The following ZNF28 variants were observed in gnomAD, a reference collection of about 807,000 sequenced individuals.
The protein encoded by ZNF28 is zinc finger protein 28, also known as zinc finger protein KOX24.
ZNF28 carries 5 observed loss-of-function variants against 7.2 expected under a neutral mutation model. The observed-to-expected ratio is 0.70, with a 90% CI of 0.36 to 1.46. ZNF28 has a LOEUF of 1.46. Ranked by LOEUF, ZNF28 falls within the 40% of genes most tolerant of loss-of-function variation. The pLI is 0.03. For missense variants in ZNF28, 879 were observed against 866.6 expected (o/e 1.01, Z -0.18); for synonymous variants, 288 against 292.4 (o/e 0.99, Z 0.15).
At chr19:52,805,866 G>C (rs1319495112) in intron 3 of ZNF28, 1 of 151,952 alleles carries the variant, frequency 6.6e-6, no homozygotes, top group East Asian at 1.9e-4. Flanking sequence ...TGTAATCCCA[G>C]CTTCTCAGGG....
At chr19:52,808,847 C>T (rs1406810116) in intron 2 of ZNF28, among the ~76,000 whole-genome samples, 1 of 151,858 alleles carries the variant, frequency 6.6e-6, no homozygotes, top group East Asian at 1.9e-4. Flanking sequence ...CAAAATTACT[C>T]AAAGTACAAA....
At chr19:52,813,271 A>AAAAAAAAAAAAACAAAAT in intron 2 of ZNF28, among the ~76,000 whole-genome samples, 1 of 147,508 alleles carries the variant, frequency 6.8e-6, no homozygotes, top group East Asian at 2.0e-4. Context: ...AAAAAAAAAA[A>AAAAAAAAAAAAACAAAAT]GACATACTGT....
chr19:52,812,499 G>C (rs867073969), intron 2 of ZNF28, among the ~76,000 whole-genome samples: 5 of 123,150 alleles, frequency 4.1e-5, no homozygotes, highest in African/African-American at 7.1e-5. Flanking sequence ...CATGTGCTGT[G>C]TCCACTCAGG....
At chr19:52,810,252 G>A in intron 2 of ZNF28, 5 of 1,294,774 alleles carry the variant, frequency 3.9e-6, no homozygotes, top group South Asian at 1.2e-5. Flanking sequence ...TCTACCTCCA[G>A]GCAATGCTGG....
Position 52,799,906 on chromosome 19 carries a change from T to A in ZNF28, c.1939A>T (p.Met647Leu). ...CTATGATGGTATACGAGGGATGACA[T>A]CTGACTGAAGGTCTTGCCACACTCA... ...CNECGKTFSQ[M>L]SSLVYHHRLH... Residue 647 changes from methionine to leucine, a missense_variant, in exon 4 of 4, where the codon ATG becomes TTG. By Grantham distance (15) the Met-to-Leu change is conservative. This residue lies in a region of ZNF28 where 864 missense variants were observed against 830.2 expected (regional missense o/e 1.04). Transcript: ENST00000457749. 6.2e-7 allele frequency: 1 copy of A among 1,613,970 alleles called. No individual in the cohort carries two copies. The highest frequency in any genetic ancestry group is 1.1e-5 in the South Asian group (1 of 91,070).
intron 2 of ZNF28, chr19:52,814,569 G>C (rs1435254422): frequency 6.9e-6 from 1 of 145,022 alleles, no homozygotes; most frequent in Non-Finnish European, 1.5e-5. Context: ...ATTCCAGCCT[G>C]GACAACCGAG....
chr19:52,817,663 C>A (rs1165505863), intron 2 of ZNF28, among the ~76,000 whole-genome samples: 1 of 152,066 alleles, frequency 6.6e-6, no homozygotes, highest in Non-Finnish European at 1.5e-5. Flanking sequence ...AACCCTGCTG[C>A]CCAACAGCAC....
rs530850109 is a variant in ZNF28 at position 52,797,699 on chromosome 19, T to C, written c.*1989A>G. 3.2e-5 allele frequency: 5 copies of C among 153,852 alleles called. No homozygotes were observed. The East Asian group carries it at 9.7e-4, about 30-fold the overall frequency. 9.5% of individuals were successfully genotyped at this position (153,852 alleles called of 1,614,324 possible). A position where few individuals can be genotyped will look rare whatever the true frequency, so the allele number is the denominator to read the frequency against. On this transcript the variant is annotated 3_prime_UTR_variant, in exon 4 of 4. Coordinates refer to ENST00000457749, the MANE Select transcript of ZNF28 (RefSeq NM_006969.5). Reference sequence around the variant, plus strand: ...AATCTACAAACATTGATCAAAATGATTAAAAACATATAAATACACATACAA... The same window carrying C: ...AATCTACAAACATTGATCAAAATGACTAAAAACATATAAATACACATACAA...
At chr19:52,810,073 C>G in intron 2 of ZNF28, 2 of 754,248 alleles carry the variant, frequency 2.7e-6, no homozygotes, top group Non-Finnish European at 4.8e-6. Context: ...GCTCCAGGAC[C>G]TGGGCCTCGT....
chr19:52,804,307 T>C (rs1395056571), intron 3 of ZNF28, among the ~76,000 whole-genome samples: 1 of 152,184 alleles, frequency 6.6e-6, no homozygotes, highest in Non-Finnish European at 1.5e-5. Flanking sequence ...CTTTTTTGTT[T>C]GTTTTTGAGA....
At position 52,811,411 on chromosome 19, in the gene ZNF28, G is replaced by A. The variant is rs755463095; in HGVS notation, c.16-3278C>T. ...CTGCCCAGTCTGGAAAGTGAGGAGC[G>A]TCTCTGCCCGGCCGCCATCCCATCT... On this transcript the variant is annotated intron_variant, in intron 2 of 3. Coordinates refer to ENST00000457749, the MANE Select transcript of ZNF28 (RefSeq NM_006969.5). Among the ~76,000 whole-genome samples the A allele has an allele frequency of 6.4e-3, 909 of 142,676 alleles. 5 individuals are homozygous for A. Among genetic ancestry groups the A allele is most frequent in the Middle Eastern group, 0.018 (5 of 282 alleles). 93.6% of individuals were successfully genotyped at this position (142,676 alleles called of 152,430 possible).
In ZNF28 at chr19:52,801,136, G is replaced by C; in HGVS notation, c.709C>G (p.His237Asp). 1.9e-6 allele frequency: 3 copies of C among 1,613,992 alleles called. No individual in the cohort carries two copies. Among genetic ancestry groups the C allele is most frequent in the Non-Finnish European group, 2.5e-6 (3 of 1,180,006 alleles). The stretch of plus-strand genomic sequence containing the variant: ...CATTTACATTGTTTCTCTTCTAAGT[G>C]GGTTATCTGATGTTTTTTTAAAAGT... ...SSLLKKHQITHLEEKQCKCDV... is the reference protein window; with the variant it reads ...SSLLKKHQITDLEEKQCKCDV... Residue 237 changes from histidine (H) to aspartate (D), a missense_variant, in exon 4 of 4, where the codon CAC becomes GAC. This residue lies in a region of ZNF28 where 864 missense variants were observed against 830.2 expected (regional missense o/e 1.04). Transcript: ENST00000457749.
intron 2 of ZNF28, chr19:52,810,651 C>T: frequency 8.3e-7 from 1 of 1,210,808 alleles, no homozygotes; most frequent in Non-Finnish European, 1.2e-6. Context: ...ACAGCAGGCT[C>T]TGGGGTCGCG....
rs187333485 is a variant in ZNF28, at chr19:52,817,927, C to T, written c.15+17G>A. On this transcript the variant is annotated intron_variant, in intron 2 of 3. Transcript: ENST00000457749. ...AAAGGAAGGAGACAGAGCAATCCAC[C>T]GAGAATACCATCTCACCTGAGGAAG... 106 of 1,610,110 alleles carry T rather than the reference C, an allele frequency of 6.6e-5. No individual in the cohort carries two copies. The African/African-American group carries it at 9.5e-4, about 14-fold the overall frequency.
At chr19:52,808,386 A>G (rs1314818451) in intron 2 of ZNF28, among the ~76,000 whole-genome samples, 6 of 152,208 alleles carry the variant, frequency 3.9e-5, no homozygotes. Flanking sequence ...CCTGTTATAA[A>G]AATGTTTGAA....
intron 2 of ZNF28, chr19:52,809,844 GGTGGTGGCA>G (rs2062992874): frequency 1.7e-6 from 1 of 575,224 alleles, no homozygotes; most frequent in South Asian, 2.1e-5. Context: ...CGGCGGTGGC[GGTGGTGGCA>G]GTAGCACTGG....
chr19:52,816,998 T>C (rs950440379), intron 2 of ZNF28, among the ~76,000 whole-genome samples: 3 of 151,252 alleles, frequency 2.0e-5, no homozygotes, highest in South Asian at 4.2e-4. Flanking sequence ...AGTAACACCA[T>C]AGTCTCCGTG....
chr19:52,800,125 T>C lies in ZNF28; in HGVS notation c.1720A>G (p.Thr574Ala). Reference protein sequence around the residue: ...SHMERHRRIHTGEKPYKCKVC... With the variant: ...SHMERHRRIHAGEKPYKCKVC... ...TTACATTTGTACGGTTTCTCTCCAG[T>C]ATGAATCCTCCTATGTCTTTCCATG... Residue 574 changes from threonine to alanine, a missense_variant, in exon 4 of 4, where the codon ACT becomes GCT. Thr to Ala is a moderately conservative substitution (Grantham distance 58). This residue lies in a region of ZNF28 where 864 missense variants were observed against 830.2 expected (regional missense o/e 1.04). Coordinates refer to ENST00000457749, the MANE Select transcript of ZNF28 (RefSeq NM_006969.5). The C allele has an allele frequency of 6.2e-7, 1 of 1,614,100 alleles. No homozygotes were observed. Among genetic ancestry groups the C allele is most frequent in the South Asian group, 1.1e-5 (1 of 91,070 alleles).
intron 3 of ZNF28, 133 bp from the exon 4 acceptor site, chr19:52,801,835 A>G: frequency 1.2e-6 from 1 of 836,680 alleles, no homozygotes. Flanking sequence ...TTAAGAACAC[A>G]AAAGGAGTAA....
Sources: gnomAD v4.1 joint callset for allele counts (sites outside exome capture counted in the v4.1 genomes callset) on GRCh38, gnomAD v4.1.1 for gene constraint, gnomAD v4.1.1 regional missense constraint, MANE v1.5 for transcripts, NCBI Gene and HGNC (gene_info 2026-07-23, HGNC 2026-07-21) for gene names.